COL26A1: variants seen among roughly 807,000 people sequenced by gnomAD.
COL26A1 encodes the protein collagen alpha-1(XXVI) chain.
Under a neutral mutation model 59.3 loss-of-function variants are expected in COL26A1, and 41 were observed. That is an observed-to-expected ratio of 0.69 (90% CI 0.54 to 0.90). The LOEUF (loss-of-function observed/expected upper bound fraction) is 0.90, where lower values mean the gene tolerates loss of function less well. Among genes scored for constraint, COL26A1 ranks in the 40% least tolerant of loss-of-function variants. The pLI is 0.00. For synonymous variants in COL26A1, 266 were observed against 256.0 expected, an observed-to-expected ratio of 1.04 and a Z score of -0.37; for missense variants, 612 against 602.3, an observed-to-expected ratio of 1.02 and a Z score of -0.17.
At chr7:101,368,538 A>G (rs6973760) in intron 1 of COL26A1, among the ~76,000 whole-genome samples, 3,818 of 152,264 alleles carry the variant, frequency 0.025, 152 homozygotes, top group African/African-American at 0.08. Flanking sequence ...GGCACTATTT[A>G]TACTTACTTT....
intron 3 of COL26A1, among the ~76,000 whole-genome samples, chr7:101,479,219 G>A (rs1248137871): frequency 6.6e-6 from 1 of 152,220 alleles, no homozygotes; most frequent in African/African-American, 2.4e-5. Flanking sequence ...TTATTCCACA[G>A]TCTAGCCAAT....
At chr7:101,460,061 A>G (rs1232255106) in intron 3 of COL26A1, among the ~76,000 whole-genome samples, 1 of 152,098 alleles carries the variant, frequency 6.6e-6, no homozygotes, top group African/African-American at 2.4e-5. Context: ...CATGAATCTG[A>G]TGATGTTTCT....
rs112910127 is a variant in COL26A1 at position 101,486,449 on chromosome 7, C to T, written c.385+38662C>T. Among the ~76,000 whole-genome samples, 1,150 of 152,344 alleles carry T rather than the reference C, an allele frequency of 7.5e-3. 16 individuals carry two copies. Among genetic ancestry groups the T allele is most frequent in the African/African-American group, 0.026 (1,099 of 41,590 alleles). ...AGGACAGTGGGGGCTCCAGGTCAGA[C>T]TTGCACAGGCAGGTCCCTGCACAGG... On this transcript the variant is annotated intron_variant, in intron 3 of 12. Coordinates refer to ENST00000313669, the MANE Select transcript of COL26A1 (RefSeq NM_001278563.3).
At chr7:101,386,864 G>T (rs144140339) in intron 1 of COL26A1, among the ~76,000 whole-genome samples, 5 of 152,134 alleles carry the variant, frequency 3.3e-5, no homozygotes, top group Admixed American at 1.3e-4. Context: ...GTACTGGAAG[G>T]GGGTGGTAGC....
At chr7:101,408,570 C>T (rs988387317) in intron 1 of COL26A1, among the ~76,000 whole-genome samples, 1 of 152,252 alleles carries the variant, frequency 6.6e-6, no homozygotes, top group South Asian at 2.1e-4. Context: ...TGGAGGGGAA[C>T]AAGGTGTGTT....
At chr7:101,461,003 A>G (rs1304956006) in intron 3 of COL26A1, among the ~76,000 whole-genome samples, 2 of 152,004 alleles carry the variant, frequency 1.3e-5, no homozygotes, top group East Asian at 1.9e-4. Flanking sequence ...ATTTTTTGAA[A>G]CAGGGTCTTG....
chr7:101,386,273 T>TTTTTGTTTTTTTAA (rs1554403862), intron 1 of COL26A1, among the ~76,000 whole-genome samples: 26 of 148,924 alleles, frequency 1.7e-4, no homozygotes, highest in African/African-American at 6.5e-4. Flanking sequence ...TTTTTTTTTT[T>TTTTTGTTTTTTTAA]TTTTTTTAAT....
chr7:101,447,196 G>A (rs1227447223), intron 2 of COL26A1, among the ~76,000 whole-genome samples: 2 of 152,210 alleles, frequency 1.3e-5, no homozygotes, highest in Non-Finnish European at 2.9e-5. Context: ...TAATGGCGAT[G>A]TTATCTCCAG....
intron 2 of COL26A1, among the ~76,000 whole-genome samples, chr7:101,437,530 G>A (rs188569310): frequency 6.6e-6 from 1 of 152,122 alleles, no homozygotes; most frequent in East Asian, 1.9e-4. Context: ...GTAGCCAGAT[G>A]GCAGAAGTCC....
intron 2 of COL26A1, among the ~76,000 whole-genome samples, chr7:101,438,124 A>G (rs371750747): frequency 4.8e-4 from 72 of 151,544 alleles, no homozygotes; most frequent in African/African-American, 1.7e-3. Context: ...CAGTCTGGGA[A>G]GCCGAGGCGG....
chr7:101,517,798 A>ATT (rs869245512), intron 3 of COL26A1, among the ~76,000 whole-genome samples: 1,094 of 76,738 alleles, frequency 0.014, 62 homozygotes, highest in Non-Finnish European at 0.018. Context: ...TTCTCCCCGC[A>ATT]TTTTTTTTTT....
intron 1 of COL26A1, among the ~76,000 whole-genome samples, chr7:101,387,391 A>G (rs939600380): frequency 2.7e-5 from 4 of 150,056 alleles, no homozygotes; most frequent in Non-Finnish European, 5.9e-5. Flanking sequence ...AAAAAAGTTT[A>G]TTTTTTCCCC....
At position 101,363,172 on chromosome 7, in the gene COL26A1, G is replaced by A. The variant is rs1292206043; in HGVS notation, c.140G>A (p.Ser47Asn). ...YPEPGAGSPG[S>N]GYASRRHWCH... ...GAGCCCGGCGCCGGCTCCCCTGGCA[G>A]CGGCTACGCGAGCCGCCGGTGAGTA... Residue 47 changes from serine to asparagine, a missense_variant, in exon 1 of 13, where the codon AGC becomes AAC. Ser to Asn is a conservative substitution (Grantham distance 46, BLOSUM62 1). Transcript: ENST00000313669. 10 of 1,499,420 alleles carry A rather than the reference G, an allele frequency of 6.7e-6. No individual in the cohort carries two copies. Among genetic ancestry groups the A allele is most frequent in the Non-Finnish European group, 8.8e-6 (10 of 1,131,560 alleles). 92.9% of individuals were successfully genotyped at this position (1,499,420 alleles called of 1,614,324 possible). A position where few individuals can be genotyped will look rare whatever the true frequency, so the allele number is the denominator to read the frequency against.
chr7:101,473,882 G>A (rs1793970901), intron 3 of COL26A1, among the ~76,000 whole-genome samples: 1 of 151,848 alleles, frequency 6.6e-6, no homozygotes, highest in African/African-American at 2.4e-5. Flanking sequence ...TTTCAAGCAA[G>A]CTATCTACTT....
intron 3 of COL26A1, among the ~76,000 whole-genome samples, chr7:101,457,710 A>G (rs1793509690): frequency 6.6e-6 from 1 of 152,146 alleles, no homozygotes; most frequent in Non-Finnish European, 1.5e-5. Context: ...AATTTTGACT[A>G]TTCTTGAACT....
At chr7:101,377,770 C>T (rs1791353538) in intron 1 of COL26A1, among the ~76,000 whole-genome samples, 1 of 152,144 alleles carries the variant, frequency 6.6e-6, no homozygotes, top group East Asian at 1.9e-4. Context: ...AGCAACTTCC[C>T]TTCATTGCTT....
Position 101,504,615 on chromosome 7 carries a change from T to G in COL26A1, c.386-28467T>G, listed in dbSNP as rs1025555662. Among the ~76,000 whole-genome samples, 11 of 152,220 alleles carry G rather than the reference T, an allele frequency of 7.2e-5. 1 individual carries two copies. The highest frequency in any genetic ancestry group is 5.9e-4 in the Admixed American group (9 of 15,276). On this transcript the variant is annotated intron_variant, in intron 3 of 12. Coordinates refer to ENST00000313669, the MANE Select transcript of COL26A1 (RefSeq NM_001278563.3). The stretch of plus-strand genomic sequence containing the variant: ...CGGGTCCTGTGATTTAGAAAACATC[T>G]CACCTCTGCCTCCGCCATCTCATTG...
intron 3 of COL26A1, among the ~76,000 whole-genome samples, chr7:101,474,172 G>A (rs928478988): frequency 6.6e-6 from 1 of 152,156 alleles, no homozygotes; most frequent in African/African-American, 2.4e-5. Context: ...AGAAAGATGG[G>A]GTCAGGTGGT....
intron 3 of COL26A1, among the ~76,000 whole-genome samples, chr7:101,483,494 C>A (rs1034932333): frequency 6.6e-6 from 1 of 151,728 alleles, no homozygotes; most frequent in Non-Finnish European, 1.5e-5. Context: ...CTGTGCCCAG[C>A]CTTTTTAATT....
Sources: allele counts gnomAD v4.1 joint callset (sites outside exome capture counted in the v4.1 genomes callset), GRCh38; gene constraint gnomAD v4.1.1; transcripts MANE v1.5; gene names NCBI Gene and HGNC (gene_info 2026-07-23, HGNC 2026-07-21).